Variants in GRIA2 observed in about 807,000 individuals in gnomAD.
GRIA2 encodes the protein glutamate ionotropic receptor AMPA type subunit 2, also known as glutamate receptor 2.
GRIA2 carries 14 observed loss-of-function variants against 97.3 expected under a neutral mutation model. The observed-to-expected ratio is 0.14, with a 90% CI of 0.10 to 0.23. GRIA2 has a LOEUF of 0.23. Ranked by LOEUF, GRIA2 falls within the 10% of genes least tolerant of loss-of-function variation. The pLI is 1.00. For missense variants in GRIA2, 558 were observed against 1,069.8 expected (o/e 0.52, Z 6.67); for synonymous variants, 412 against 387.8 (o/e 1.06, Z -0.73).
chr4:157,263,864 C>T (rs538813925), intron 2 of GRIA2, among the ~76,000 whole-genome samples: 20 of 152,220 alleles, frequency 1.3e-4, no homozygotes, highest in African/African-American at 4.6e-4. Flanking sequence ...TGGCGATTTA[C>T]ACTCAAAAAT....
intron 3 of GRIA2, among the ~76,000 whole-genome samples, chr4:157,310,253 T>C (rs1164226674): frequency 1.3e-5 from 2 of 152,210 alleles, no homozygotes; most frequent in Non-Finnish European, 2.9e-5. Context: ...AAATGACATA[T>C]GGTCTTTTTA....
intron 12 of GRIA2, among the ~76,000 whole-genome samples, chr4:157,343,160 G>A (rs1488569076): frequency 1.3e-5 from 2 of 151,984 alleles, no homozygotes; most frequent in Non-Finnish European, 2.9e-5. Context: ...ATAAGGTTGT[G>A]GAGCTTTTCT....
intron 6 of GRIA2, among the ~76,000 whole-genome samples, chr4:157,323,418 C>T (rs995757645): frequency 1.4e-5 from 2 of 144,270 alleles, no homozygotes; most frequent in South Asian, 2.4e-4. Flanking sequence ...GGCTTCTGAG[C>T]AGGTAGATGG....
intron 9 of GRIA2, chr4:157,335,133 A>T (rs926045508): frequency 6.3e-6 from 1 of 159,526 alleles, no homozygotes; most frequent in African/African-American, 2.4e-5. Context: ...CTCACAGATG[A>T]AGTGAGACCT....
chr4:157,350,491 C>T (rs935841181), intron 12 of GRIA2, among the ~76,000 whole-genome samples: 1 of 151,578 alleles, frequency 6.6e-6, no homozygotes, highest in Non-Finnish European at 1.5e-5. Context: ...AGGATCTTGA[C>T]CTGAATCCAA....
chr4:157,288,549 C>CTTTA (rs1560748837), intron 2 of GRIA2, among the ~76,000 whole-genome samples: 5 of 151,586 alleles, frequency 3.3e-5, no homozygotes, highest in South Asian at 4.1e-4. Context: ...CAATCCTGGA[C>CTTTA]TTTATTTATT....
intron 2 of GRIA2, among the ~76,000 whole-genome samples, chr4:157,248,841 A>C (rs1034845155): frequency 6.9e-6 from 1 of 145,868 alleles, no homozygotes; most frequent in Non-Finnish European, 1.5e-5. Context: ...TTTTATTTAA[A>C]AAAATATGTT....
chr4:157,230,262 ATT>A lies in GRIA2; in HGVS notation c.229+8461_229+8462del, dbSNP rs139446649. Among the ~76,000 whole-genome samples, 171 of 152,128 alleles carry A rather than the reference ATT, an allele frequency of 1.1e-3. 8 individuals are homozygous for A. The East Asian group carries it at 0.024, about 22-fold the overall frequency. On this transcript the variant is annotated intron_variant, in intron 2 of 15. Transcript: ENST00000264426. ...ATATTGCAGTAAGAATATGTCAACA[ATT>A]TTTTTATATATATTATTTATTGTGC...
Position 157,330,126 on chromosome 4 carries a change from C to T in GRIA2, c.883-2693C>T, listed in dbSNP as rs549664566. 8.6e-5 allele frequency among the ~76,000 whole-genome samples: 13 copies of T among 152,020 alleles called. No individual in the cohort carries two copies. In the South Asian group the frequency reaches 1.7e-3, roughly 19 times the overall value. Reference sequence around the variant, plus strand: ...TATTTTTCCCTACCTTCCTTTTCAACGCTCTTGTAACATAGACAGAAGAAG... The same window carrying T: ...TATTTTTCCCTACCTTCCTTTTCAATGCTCTTGTAACATAGACAGAAGAAG... On this transcript the variant is annotated intron_variant, in intron 6 of 15. Coordinates refer to ENST00000264426, the MANE Select transcript of GRIA2 (RefSeq NM_001083619.3).
At chr4:157,266,084 T>C (rs1731755747) in intron 2 of GRIA2, among the ~76,000 whole-genome samples, 1 of 152,128 alleles carries the variant, frequency 6.6e-6, no homozygotes, top group African/African-American at 2.4e-5. Context: ...GAGTTATTTA[T>C]TGAATTAATT....
At position 157,355,876 on chromosome 4, in the gene GRIA2, T is replaced by C. The variant is rs1431490956; in HGVS notation, c.2044-4020T>C. ...ATATATATGTATATATTAACATATT[T>C]ATATATATTAATATATTTATATATA... On this transcript the variant is annotated intron_variant, in intron 12 of 15. Transcript: ENST00000264426. Among the ~76,000 whole-genome samples the C allele has an allele frequency of 6.9e-5, 6 of 86,812 alleles. No homozygotes were observed. The Admixed American group carries it at 1.1e-3, about 16-fold the overall frequency. The allele number at this position is 86,812 out of a possible 152,430, so 57.0% of individuals were successfully genotyped here.
intron 2 of GRIA2, among the ~76,000 whole-genome samples, chr4:157,232,198 A>G (rs561832054): frequency 1.3e-5 from 2 of 152,312 alleles, no homozygotes; most frequent in African/African-American, 4.8e-5. Context: ...TGAATTCCAT[A>G]TATTTAAGGG....
At chr4:157,231,742 G>A (rs1416904724) in intron 2 of GRIA2, among the ~76,000 whole-genome samples, 1 of 152,112 alleles carries the variant, frequency 6.6e-6, no homozygotes, top group Non-Finnish European at 1.5e-5. Flanking sequence ...GCTCATCTTA[G>A]TAGAACAGAG....
intron 2 of GRIA2, among the ~76,000 whole-genome samples, chr4:157,230,315 G>C (rs1729944073): frequency 6.6e-6 from 1 of 152,094 alleles, no homozygotes; most frequent in African/African-American, 2.4e-5. Flanking sequence ...GAGTGGGCAT[G>C]TTCAAACAAA....
At chr4:157,341,019 A>T (rs1337329529) in intron 11 of GRIA2, among the ~76,000 whole-genome samples, 1 of 152,054 alleles carries the variant, frequency 6.6e-6, no homozygotes, top group Non-Finnish European at 1.5e-5. Context: ...CTATTTGGGC[A>T]TTACAATTAT....
At chr4:157,228,766 C>T (rs927480296) in intron 2 of GRIA2, among the ~76,000 whole-genome samples, 16 of 113,370 alleles carry the variant, frequency 1.4e-4, no homozygotes, top group African/African-American at 5.5e-4. Flanking sequence ...GCACTCCAGC[C>T]TTGGAGATGG....
At chr4:157,267,409 A>T (rs1236086312) in intron 2 of GRIA2, among the ~76,000 whole-genome samples, 3 of 151,686 alleles carry the variant, frequency 2.0e-5, no homozygotes, top group Non-Finnish European at 4.4e-5. Context: ...AAAAAAAAAA[A>T]AAAAGTTAAA....
intron 3 of GRIA2, among the ~76,000 whole-genome samples, chr4:157,306,248 A>T (rs1365572142): frequency 6.6e-6 from 1 of 152,140 alleles, no homozygotes; most frequent in Non-Finnish European, 1.5e-5. Flanking sequence ...AAAAGACAAC[A>T]GCTGATACAA....
chr4:157,321,319 T>G, intron 5 of GRIA2, 119 bp from the exon 6 acceptor site: 1 of 703,852 alleles, frequency 1.4e-6, no homozygotes, highest in South Asian at 1.9e-5. Context: ...TGCAGGCTTA[T>G]TATATCTCAT....
Sources: gnomAD v4.1 joint callset for allele counts (sites outside exome capture counted in the v4.1 genomes callset) on GRCh38, gnomAD v4.1.1 for gene constraint, MANE v1.5 for transcripts, NCBI Gene and HGNC (gene_info 2026-07-23, HGNC 2026-07-21) for gene names.